CWF19L2: variants seen among roughly 807,000 people sequenced by gnomAD.
The protein encoded by CWF19L2 is CWF19-like protein 2.
Under a neutral mutation model 111.7 loss-of-function variants are expected in CWF19L2, and 98 were observed. The ratio of observed to expected loss-of-function variants is 0.88; its 90% CI spans 0.75 to 1.04. CWF19L2 has a LOEUF of 1.04. CWF19L2 is among the 50% of genes least tolerant of loss of function. The probability of loss-of-function intolerance (pLI) is 0.00; values close to 1 mark genes in which losing one functional copy is unlikely to be tolerated. For synonymous variants in CWF19L2, 351 were observed against 342.9 expected (o/e 1.02, Z -0.26); for missense variants, 1,101 against 1,051.4 (o/e 1.05, Z -0.65).
intron 3 of CWF19L2, among the ~76,000 whole-genome samples, chr11:107,453,357 C>T (rs1258060939): frequency 6.6e-6 from 1 of 152,078 alleles, no homozygotes; most frequent in Non-Finnish European, 1.5e-5. Context: ...AGTGCTTACA[C>T]CACCTCTCCC....
chr11:107,430,680 T>C (rs916528611), intron 7 of CWF19L2, among the ~76,000 whole-genome samples: 1 of 152,036 alleles, frequency 6.6e-6, no homozygotes, highest in African/African-American at 2.4e-5. Context: ...AGATGCATCA[T>C]ACATAGAAAC....
At chr11:107,423,914 T>A (rs1338913311) in intron 8 of CWF19L2, among the ~76,000 whole-genome samples, 1 of 141,352 alleles carries the variant, frequency 7.1e-6, no homozygotes, top group African/African-American at 2.7e-5. Context: ...AGATACCTAC[T>A]AATATATATG....
chr11:107,329,494 C>T (rs1256605570), intron 17 of CWF19L2, among the ~76,000 whole-genome samples: 1 of 152,152 alleles, frequency 6.6e-6, no homozygotes, highest in Non-Finnish European at 1.5e-5. Flanking sequence ...GGGCAAGTTA[C>T]CTAATCTCTC....
In CWF19L2 at chr11:107,428,780, T is replaced by A. The variant is rs895995006; in HGVS notation, c.1433+19A>T. ...ACTCTCTGGATCTTAACTTATTAGG[T>A]TAAAAAATGATAAAATACCCAGCAA... On this transcript the variant is annotated intron_variant, in intron 8 of 17. Transcript: ENST00000282251. 1 of 1,572,392 alleles carries A rather than the reference T, an allele frequency of 6.4e-7. No homozygotes were observed. The highest frequency in any genetic ancestry group is 8.6e-7 in the Non-Finnish European group (1 of 1,158,866).
chr11:107,374,744 T>C (rs1274172506), intron 12 of CWF19L2, among the ~76,000 whole-genome samples: 17 of 138,760 alleles, frequency 1.2e-4, no homozygotes, highest in Non-Finnish European at 1.6e-5. Flanking sequence ...AACATCATAA[T>C]GACAGGATCA....
At chr11:107,331,932 C>T (rs1161580251) in intron 16 of CWF19L2, among the ~76,000 whole-genome samples, 1 of 152,222 alleles carries the variant, frequency 6.6e-6, no homozygotes, top group Non-Finnish European at 1.5e-5. Flanking sequence ...GTACATTTAG[C>T]ACTTCCTTTT....
intron 14 of CWF19L2, among the ~76,000 whole-genome samples, chr11:107,345,657 CTT>C (rs1242043910): frequency 6.6e-6 from 1 of 152,108 alleles, no homozygotes; most frequent in Non-Finnish European, 1.5e-5. Flanking sequence ...TCTCCTCTCT[CTT>C]TCCCTCTCTC....
At position 107,327,058 on chromosome 11, in the gene CWF19L2, TAAAG is replaced by T. The variant is rs753131686; in HGVS notation, c.2542-9_2542-6del. ...CAGCATCCCACCTATGATTTCCTTT[TAAAG>T]AAAGAGAAAAGCACAAACACAAGCA... On this transcript the variant is annotated splice_region_variant and splice_polypyrimidine_tract_variant and intron_variant, in intron 17 of 17. Transcript: ENST00000282251. 3 of 1,581,406 alleles carry T rather than the reference TAAAG, an allele frequency of 1.9e-6. No individual in the cohort carries two copies. Among genetic ancestry groups the T allele is most frequent in the Non-Finnish European group, 8.6e-7 (1 of 1,168,934 alleles).
intron 10 of CWF19L2, chr11:107,403,451 G>T (rs1861035283): frequency 2.5e-6 from 2 of 794,090 alleles, no homozygotes; most frequent in East Asian, 2.5e-5. Flanking sequence ...CTCTTCCACT[G>T]TTGTGCTGTT....
intron 14 of CWF19L2, among the ~76,000 whole-genome samples, chr11:107,346,902 G>T (rs952654466): frequency 6.6e-6 from 1 of 152,156 alleles, no homozygotes; most frequent in African/African-American, 2.4e-5. Flanking sequence ...CTAGCCCCAA[G>T]AAAAAGACCT....
intron 11 of CWF19L2, 41 bp from the exon 12 acceptor site, chr11:107,390,252 GTC>G: frequency 6.8e-7 from 1 of 1,472,014 alleles, no homozygotes; most frequent in Non-Finnish European, 9.2e-7. Context: ...GAAAACATGA[GTC>G]TCTGAAGTAT....
intron 3 of CWF19L2, among the ~76,000 whole-genome samples, chr11:107,443,999 G>A (rs1043083067): frequency 2.6e-5 from 4 of 151,598 alleles, no homozygotes; most frequent in Non-Finnish European, 4.4e-5. Context: ...AACTCTTTCT[G>A]TTCCTCCAGG....
chr11:107,353,786 T>A (rs777072569), intron 12 of CWF19L2, 50 bp from the exon 13 acceptor site: 30 of 1,399,992 alleles, frequency 2.1e-5, no homozygotes, highest in Non-Finnish European at 2.9e-5. Context: ...GTGATTAAGA[T>A]TTTACTGCAC....
intron 12 of CWF19L2, among the ~76,000 whole-genome samples, chr11:107,376,448 GGCTGGTT>G (rs1410829277): frequency 2.1e-5 from 2 of 97,064 alleles, no homozygotes; most frequent in Non-Finnish European, 3.9e-5. Flanking sequence ...TGGGATGCAA[GGCTGGTT>G]CAATATACGC....
Position 107,455,776 on chromosome 11 carries a change from C to G in CWF19L2, c.106G>C (p.Ala36Pro). The G allele has an allele frequency of 6.5e-7, 1 of 1,536,500 alleles. No individual in the cohort carries two copies. The highest frequency in any genetic ancestry group is 1.4e-5 in the African/African-American group (1 of 72,242). Residue 36 changes from alanine to proline, a missense_variant and splice_region_variant, in exon 2 of 18, where the codon GCT becomes CCT. Physicochemically the swap from Ala to Pro is conservative, Grantham distance 27. Coordinates refer to ENST00000282251, the MANE Select transcript of CWF19L2 (RefSeq NM_152434.3). The stretch of plus-strand genomic sequence containing the variant: ...TCTTCTTTTTCAAAATTGGCTTTAG[C>G]CTACAACCAAAGAAAAAAAAAAGAC... Reference protein sequence around the residue: ...RNARAEVLRQAKANFEKEERR... With the variant: ...RNARAEVLRQPKANFEKEERR...
chr11:107,443,299 G>A (rs1336311013), intron 3 of CWF19L2, among the ~76,000 whole-genome samples: 4 of 151,910 alleles, frequency 2.6e-5, no homozygotes, highest in African/African-American at 9.7e-5. Context: ...TGGCAAACAT[G>A]GTGAAACACC....
intron 1 of CWF19L2, 55 bp from the exon 2 acceptor site, chr11:107,455,831 C>CA (rs1861846845): frequency 3.8e-6 from 4 of 1,065,544 alleles, no homozygotes; most frequent in Admixed American, 2.5e-5. Context: ...CTGGGTTTCA[C>CA]AAAAAAAGGA....
At chr11:107,413,009 A>G (rs1282479933) in intron 10 of CWF19L2, among the ~76,000 whole-genome samples, 1 of 152,256 alleles carries the variant, frequency 6.6e-6, no homozygotes. Context: ...CAGAGGATTT[A>G]GTACAGTGAA....
In CWF19L2 at chr11:107,353,755, A is replaced by C. The variant is rs1279797370; in HGVS notation, c.1873-19T>G. ...CCATAAACTGAAAAACCAAAATAAC[A>C]GTAATAGAGAGTAGAAGGTAGTGAT... On this transcript the variant is annotated intron_variant, in intron 12 of 17. Coordinates refer to ENST00000282251, the MANE Select transcript of CWF19L2 (RefSeq NM_152434.3). The C allele has an allele frequency of 6.3e-7, 1 of 1,587,068 alleles. No individual in the cohort carries two copies. The highest frequency in any genetic ancestry group is 1.1e-5 in the South Asian group (1 of 90,488).
Sources: gnomAD v4.1 joint callset for allele counts (sites outside exome capture counted in the v4.1 genomes callset) on GRCh38, gnomAD v4.1.1 for gene constraint, MANE v1.5 for transcripts, NCBI Gene and HGNC (gene_info 2026-07-23, HGNC 2026-07-21) for gene names.